RELN: variants seen among roughly 807,000 people sequenced by gnomAD.
RELN encodes the protein reelin.
In RELN, 108 loss-of-function variants were observed where a neutral mutation model predicts 427.6. That is an observed-to-expected ratio of 0.25 (90% CI 0.22 to 0.30). The LOEUF is 0.30. Ranked by LOEUF, RELN falls within the 10% of genes least tolerant of loss-of-function variation. RELN has a pLI of 1.00. For synonymous variants in RELN, 1,524 were observed against 1,513.4 expected (o/e 1.01, Z -0.16); for missense variants, 3,715 against 4,302.8 (o/e 0.86, Z 3.82).
At chr7:103,861,541 C>T (rs762488673) in intron 2 of RELN, among the ~76,000 whole-genome samples, 1 of 152,110 alleles carries the variant, frequency 6.6e-6, no homozygotes, top group Non-Finnish European at 1.5e-5. Context: ...TAAGGCTGGC[C>T]ATTTTGAATC....
chr7:103,742,575 G>C (rs974744736), intron 6 of RELN, among the ~76,000 whole-genome samples: 2 of 152,194 alleles, frequency 1.3e-5, no homozygotes, highest in African/African-American at 4.8e-5. Flanking sequence ...CCTTAAAGGA[G>C]CTGATGGAGC....
chr7:103,512,607 C>T (rs1239421549), intron 50 of RELN, among the ~76,000 whole-genome samples: 1 of 151,988 alleles, frequency 6.6e-6, no homozygotes, highest in African/African-American at 2.4e-5. Flanking sequence ...TGTGTTGATC[C>T]TCTCTCTCTT....
chr7:103,520,957 A>ATTTTTTTTTTTT lies in RELN; in HGVS notation c.7668+1053_7668+1064dup, dbSNP rs55830035. On this transcript the variant is annotated intron_variant, in intron 48 of 64. Transcript: ENST00000428762. Reference sequence around the variant, plus strand: ...ATAAAGAGCTGGCAGTAAATTTGTTATTTTTTTTTTTTTTTTTTTTTTTTT... The same window carrying ATTTTTTTTTTTT: ...ATAAAGAGCTGGCAGTAAATTTGTTATTTTTTTTTTTTTTTTTTTTTTTTTTTTTTTTTTTTT... Among the ~76,000 whole-genome samples, 424 of 79,194 alleles carry ATTTTTTTTTTTT rather than the reference A, an allele frequency of 5.4e-3. 22 individuals are homozygous for ATTTTTTTTTTTT. The highest frequency in any genetic ancestry group is 0.02 in the East Asian group (52 of 2,588). 52.0% of individuals were successfully genotyped at this position (79,194 alleles called of 152,430 possible).
chr7:103,751,482 A>C (rs1790999652), intron 5 of RELN, among the ~76,000 whole-genome samples: 1 of 152,240 alleles, frequency 6.6e-6, no homozygotes, highest in Non-Finnish European at 1.5e-5. Flanking sequence ...CTGGATGCTC[A>C]GACGCGAAGC....
intron 51 of RELN, among the ~76,000 whole-genome samples, chr7:103,509,645 G>A (rs2711851): frequency 0.46 from 69,631 of 151,954 alleles, 18,762 homozygotes; most frequent in African/African-American, 0.75. Context: ...AAAAGCCAAA[G>A]TAGACCAATG....
intron 16 of RELN, among the ~76,000 whole-genome samples, chr7:103,646,879 T>G (rs1355322689): frequency 6.6e-6 from 1 of 152,022 alleles, no homozygotes; most frequent in Non-Finnish European, 1.5e-5. Context: ...AACAAAATAT[T>G]AGCAAACTGA....
At chr7:103,505,235 C>T (rs957594543) in intron 51 of RELN, among the ~76,000 whole-genome samples, 1 of 152,194 alleles carries the variant, frequency 6.6e-6, no homozygotes, top group African/African-American at 2.4e-5. Context: ...CAGGCTGCCT[C>T]CTCAAGTGAA....
chr7:103,934,658 G>A (rs563266246), intron 1 of RELN, among the ~76,000 whole-genome samples: 1 of 152,316 alleles, frequency 6.6e-6, no homozygotes, highest in African/African-American at 2.4e-5. Flanking sequence ...CTGTTGCTAG[G>A]CAACCATGCT....
intron 1 of RELN, among the ~76,000 whole-genome samples, chr7:103,949,472 C>T (rs184744972): frequency 2.6e-5 from 4 of 152,164 alleles, no homozygotes; most frequent in Admixed American, 1.3e-4. Context: ...GGAGCCCTCA[C>T]GAACGCGATT....
chr7:103,630,722 A>G (rs1474221882), intron 19 of RELN, among the ~76,000 whole-genome samples: 4 of 152,202 alleles, frequency 2.6e-5, no homozygotes, highest in African/African-American at 9.7e-5. Context: ...TACCATGCTG[A>G]TCGCATCCAT....
At chr7:103,497,954 G>A (rs1307414230) in intron 54 of RELN, 28 bp from the exon 55 acceptor site, 10 of 1,608,448 alleles carry the variant, frequency 6.2e-6, no homozygotes, top group Non-Finnish European at 8.5e-6. Flanking sequence ...TTATCCATCA[G>A]AATAATTCAT....
intron 22 of RELN, among the ~76,000 whole-genome samples, chr7:103,609,272 T>C (rs981126535): frequency 3.4e-4 from 51 of 151,684 alleles, no homozygotes; most frequent in African/African-American, 1.2e-3. Context: ...ACCATCATAA[T>C]TTTGAAAGTG....
chr7:103,981,674 G>A (rs1464117733), intron 1 of RELN, among the ~76,000 whole-genome samples: 2 of 152,182 alleles, frequency 1.3e-5, no homozygotes, highest in Non-Finnish European at 1.5e-5. Flanking sequence ...TTCAGGGCTG[G>A]CATAGCTGCC....
intron 52 of RELN, among the ~76,000 whole-genome samples, chr7:103,502,522 A>T (rs1386303714): frequency 6.6e-6 from 1 of 152,232 alleles, no homozygotes; most frequent in Admixed American, 6.5e-5. Flanking sequence ...CAGGCTAATT[A>T]CCTCTCACTG....
chr7:103,867,515 T>C (rs1490684875), intron 2 of RELN, among the ~76,000 whole-genome samples: 1 of 152,140 alleles, frequency 6.6e-6, no homozygotes, highest in Non-Finnish European at 1.5e-5. Context: ...GAGCTTCCTA[T>C]GCAACTATTA....
intron 51 of RELN, among the ~76,000 whole-genome samples, chr7:103,509,699 A>G (rs553587777): frequency 6.6e-6 from 1 of 152,278 alleles, no homozygotes; most frequent in African/African-American, 2.4e-5. Flanking sequence ...AAAAGAAACT[A>G]TTAGAGTGAA....
intron 2 of RELN, among the ~76,000 whole-genome samples, chr7:103,843,463 C>A (rs970528050): frequency 2.6e-5 from 4 of 152,130 alleles, no homozygotes; most frequent in African/African-American, 9.7e-5. Flanking sequence ...TGGCTTCCTC[C>A]CCACATCCCT....
At chr7:103,833,897 G>T (rs1256320752) in intron 2 of RELN, among the ~76,000 whole-genome samples, 3 of 152,090 alleles carry the variant, frequency 2.0e-5, no homozygotes, top group Non-Finnish European at 4.4e-5. Context: ...TATAATATTT[G>T]CTTTGCTTTG....
intron 3 of RELN, among the ~76,000 whole-genome samples, chr7:103,807,086 G>A (rs996427278): frequency 2.6e-5 from 4 of 152,164 alleles, no homozygotes; most frequent in East Asian, 1.9e-4. Context: ...AGGAGGTACC[G>A]GAGCTGAGCT....
Sources: gnomAD v4.1 joint callset for allele counts (sites outside exome capture counted in the v4.1 genomes callset) on GRCh38, gnomAD v4.1.1 for gene constraint, MANE v1.5 for transcripts, NCBI Gene and HGNC (gene_info 2026-07-23, HGNC 2026-07-21) for gene names.